Variants in MAP3K7CL observed in about 807,000 individuals in gnomAD.
The protein encoded by MAP3K7CL is MAP3K7 C-terminal-like protein.
A neutral mutation model predicts 18.6 loss-of-function variants in MAP3K7CL; 16 were observed. The observed-to-expected ratio is 0.86, with a 90% CI of 0.58 to 1.31. MAP3K7CL has a LOEUF of 1.31. MAP3K7CL is among the 50% of genes most tolerant of loss of function. MAP3K7CL has a pLI of 0.00. For synonymous variants in MAP3K7CL, 65 were observed against 66.8 expected (o/e 0.97, Z 0.13); for missense variants, 163 against 174.4 (o/e 0.93, Z 0.37).
intron 4 of MAP3K7CL, among the ~76,000 whole-genome samples, chr21:29,114,500 C>T (rs1392543495): frequency 6.6e-6 from 1 of 152,186 alleles, no homozygotes; most frequent in Non-Finnish European, 1.5e-5. Context: ...AATTGATCCT[C>T]CCACCTCAGC....
chr21:29,140,224 G>A (rs2086976054), intron 2 of MAP3K7CL, among the ~76,000 whole-genome samples: 1 of 152,186 alleles, frequency 6.6e-6, no homozygotes, highest in Non-Finnish European at 1.5e-5. Context: ...TATAAAATCA[G>A]TAATACACTA....
intron 4 of MAP3K7CL, among the ~76,000 whole-genome samples, chr21:29,165,500 G>A (rs538659220): frequency 8.5e-5 from 13 of 152,092 alleles, no homozygotes; most frequent in African/African-American, 2.2e-4. Context: ...ACCCTTTCCC[G>A]AGTCCCCAAA....
intron 4 of MAP3K7CL, among the ~76,000 whole-genome samples, chr21:29,160,700 C>T (rs2087525760): frequency 6.6e-6 from 1 of 152,224 alleles, no homozygotes; most frequent in Non-Finnish European, 1.5e-5. Flanking sequence ...CTTTCCTTCA[C>T]AGTACTAGCT....
intron 4 of MAP3K7CL, among the ~76,000 whole-genome samples, chr21:29,103,252 G>C (rs190711886): frequency 6.6e-6 from 1 of 152,228 alleles, no homozygotes; most frequent in Non-Finnish European, 1.5e-5. Context: ...GCAACTATGT[G>C]ACCCACAAAG....
intron 4 of MAP3K7CL, among the ~76,000 whole-genome samples, chr21:29,100,032 G>T (rs910926580): frequency 3.4e-5 from 5 of 148,786 alleles, no homozygotes; most frequent in Non-Finnish European, 7.4e-5. Context: ...GCAGTGAGCC[G>T]AGATCACGCC....
chr21:29,132,978 A>G (rs2086807422), intron 1 of MAP3K7CL, among the ~76,000 whole-genome samples: 1 of 152,212 alleles, frequency 6.6e-6, no homozygotes, highest in African/African-American at 2.4e-5. Context: ...TGAAAGTAAA[A>G]TACTTTATAT....
intron 3 of MAP3K7CL, among the ~76,000 whole-genome samples, chr21:29,152,428 A>T (rs1194430620): frequency 6.6e-6 from 1 of 152,224 alleles, no homozygotes; most frequent in Non-Finnish European, 1.5e-5. Context: ...GTGTGCTTTC[A>T]TTACACAGTA....
intron 4 of MAP3K7CL, among the ~76,000 whole-genome samples, chr21:29,093,094 G>A (rs2086058130): frequency 6.6e-6 from 1 of 152,148 alleles, no homozygotes; most frequent in Non-Finnish European, 1.5e-5. Context: ...AGTAGAGATG[G>A]GGTTTCACCA....
intron 4 of MAP3K7CL, among the ~76,000 whole-genome samples, chr21:29,099,294 G>A (rs955072481): frequency 8.8e-5 from 12 of 136,612 alleles, no homozygotes; most frequent in African/African-American, 3.3e-4. Flanking sequence ...TTGTAGAGAC[G>A]GGATCTTGCC....
chr21:29,142,968 T>C (rs757802937), intron 2 of MAP3K7CL, among the ~76,000 whole-genome samples: 3 of 152,128 alleles, frequency 2.0e-5, no homozygotes, highest in Non-Finnish European at 4.4e-5. Context: ...AGGCAAACAG[T>C]TCCTAGGAAA....
At chr21:29,161,038 CA>C (rs2087534890) in intron 4 of MAP3K7CL, among the ~76,000 whole-genome samples, 1 of 152,216 alleles carries the variant, frequency 6.6e-6, no homozygotes. Flanking sequence ...GGGCCGGGCG[CA>C]GTGGCCCACG....
In MAP3K7CL at chr21:29,150,864, G is replaced by C. The variant is rs140308043; in HGVS notation, c.132+1614G>C. 4.4e-3 allele frequency among the ~76,000 whole-genome samples: 673 copies of C among 151,328 alleles called. 6 individuals carry two copies. The highest frequency in any genetic ancestry group is 0.016 in the African/African-American group (641 of 41,254). ...GGCTCACTGCAAACTCCACCTCCTG[G>C]GTTCAAGCGATTCTCCCATCTCAGC... is the stretch of plus-strand genomic sequence containing the variant. On this transcript the variant is annotated intron_variant, in intron 3 of 4. Transcript: ENST00000399928.
At chr21:29,078,680 GAGTA>G (rs2085788210) in intron 1 of MAP3K7CL, among the ~76,000 whole-genome samples, 1 of 152,168 alleles carries the variant, frequency 6.6e-6, no homozygotes, top group Non-Finnish European at 1.5e-5. Flanking sequence ...GTAACCAAAA[GAGTA>G]AGACTAAACA....
intron 1 of MAP3K7CL, among the ~76,000 whole-genome samples, chr21:29,078,913 A>T (rs927084672): frequency 6.6e-6 from 1 of 152,222 alleles, no homozygotes; most frequent in Non-Finnish European, 1.5e-5. Flanking sequence ...GTAAAGATGC[A>T]AGGACACTTT....
chr21:29,115,928 T>A (rs2146573989), intron 4 of MAP3K7CL, among the ~76,000 whole-genome samples: 1 of 152,282 alleles, frequency 6.6e-6, no homozygotes, highest in Non-Finnish European at 1.5e-5. Context: ...GACAGAGGAG[T>A]AATCTGGGAA....
intron 2 of MAP3K7CL, among the ~76,000 whole-genome samples, chr21:29,136,933 C>T (rs1216273496): frequency 1.3e-5 from 2 of 151,138 alleles, no homozygotes; most frequent in East Asian, 4.0e-4. Context: ...GCTTTACAGC[C>T]AGAGAGGCAT....
upstream of MAP3K7CL, among the ~76,000 whole-genome samples, chr21:29,081,103 C>T (rs536367602): frequency 4.6e-5 from 7 of 152,208 alleles, no homozygotes; most frequent in African/African-American, 1.7e-4. Flanking sequence ...GTCACAGTAT[C>T]TAGAAATACA....
At chr21:29,089,168 CAAAAAAAAAAAAAAAAAAAA>C (rs748166183) in intron 1 of MAP3K7CL, among the ~76,000 whole-genome samples, 1 of 68,516 alleles carries the variant, frequency 1.5e-5, no homozygotes, top group Non-Finnish European at 2.7e-5. Flanking sequence ...GACTCCGTCT[CAAAAAAAAAAAAAAAAAAAA>C]AAAAAAAAAA....
intron 1 of MAP3K7CL, among the ~76,000 whole-genome samples, chr21:29,089,363 A>G (rs1374413102): frequency 2.0e-5 from 3 of 152,090 alleles, no homozygotes; most frequent in Non-Finnish European, 4.4e-5. Context: ...AAATACTGTT[A>G]TATATTAGTG....
Sources: gnomAD v4.1 joint callset for allele counts (sites outside exome capture counted in the v4.1 genomes callset) on GRCh38, gnomAD v4.1.1 for gene constraint, MANE v1.5 for transcripts, NCBI Gene and HGNC (gene_info 2026-07-23, HGNC 2026-07-21) for gene names.